Variants in GRM7 observed in about 807,000 individuals in gnomAD.
GRM7 encodes metabotropic glutamate receptor 7.
In GRM7, 35 loss-of-function variants were observed where a neutral mutation model predicts 84.5. The ratio of observed to expected loss-of-function variants is 0.41; its 90% CI spans 0.32 to 0.55. The LOEUF (loss-of-function observed/expected upper bound fraction) is 0.55. GRM7 is among the 20% of genes least tolerant of loss of function. The pLI, the probability that GRM7 is intolerant of heterozygous loss-of-function variation, is 0.19. For synonymous variants in GRM7, 487 were observed against 455.1 expected (o/e 1.07, Z -0.89); for missense variants, 1,003 against 1,194.6 (o/e 0.84, Z 2.36).
rs915157640 is a variant in GRM7 at position 7,374,711 on chromosome 3, G to A, written c.1034-40312G>A. Among the ~76,000 whole-genome samples, 6 of 148,520 alleles carry A rather than the reference G, an allele frequency of 4.0e-5. No individual in the cohort carries two copies. The South Asian group carries it at 8.6e-4, about 21-fold the overall frequency. ...TCACCATGTTGGCCAGGGTGGTCTC[G>A]AACTCCTAACCTCAGGTGATCCGCC... On this transcript the variant is annotated intron_variant, in intron 4 of 9. Transcript: ENST00000357716.
intron 9 of GRM7, among the ~76,000 whole-genome samples, chr3:7,702,775 T>C (rs1391459499): frequency 6.6e-6 from 1 of 152,200 alleles, no homozygotes; most frequent in Non-Finnish European, 1.5e-5. Flanking sequence ...AAGTCAGCTC[T>C]TGAATAATTA....
intron 3 of GRM7, among the ~76,000 whole-genome samples, chr3:7,299,554 A>G (rs908458902): frequency 2.0e-5 from 3 of 152,232 alleles, no homozygotes; most frequent in Non-Finnish European, 2.9e-5. Flanking sequence ...CGCATAGCTA[A>G]CAAGTTCTCT....
intron 7 of GRM7, among the ~76,000 whole-genome samples, chr3:7,520,468 T>G (rs1700552939): frequency 6.6e-6 from 1 of 151,848 alleles, no homozygotes; most frequent in African/African-American, 2.4e-5. Context: ...TATTCTGGAT[T>G]CTTTATGTTC....
chr3:7,099,599 CATT>C (rs1699021697), intron 1 of GRM7, among the ~76,000 whole-genome samples: 1 of 136,546 alleles, frequency 7.3e-6, no homozygotes, highest in Non-Finnish European at 1.6e-5. Context: ...TATGTACACG[CATT>C]ATACATGTGC....
chr3:7,243,155 A>G (rs183823552), intron 2 of GRM7, among the ~76,000 whole-genome samples: 35 of 152,246 alleles, frequency 2.3e-4, no homozygotes, highest in African/African-American at 7.9e-4. Context: ...GGCTCCAAAA[A>G]TTAAGATTTA....
chr3:7,194,987 T>C (rs1380304808), intron 2 of GRM7, among the ~76,000 whole-genome samples: 1 of 152,138 alleles, frequency 6.6e-6, no homozygotes, highest in East Asian at 1.9e-4. Flanking sequence ...TGGTTCCTTA[T>C]TCGCTGCTAT....
intron 4 of GRM7, among the ~76,000 whole-genome samples, chr3:7,405,909 CACTG>C (rs1268360206): frequency 6.6e-6 from 1 of 151,796 alleles, no homozygotes; most frequent in Non-Finnish European, 1.5e-5. Context: ...TTACTATTGA[CACTG>C]ACATTCATTG....
At chr3:7,634,535 C>T (rs545669077) in intron 8 of GRM7, among the ~76,000 whole-genome samples, 10 of 130,790 alleles carry the variant, frequency 7.6e-5, no homozygotes, top group South Asian at 7.0e-4. Flanking sequence ...CCTGTAACCC[C>T]AGCACTTTGG....
At chr3:7,608,382 ATC>A (rs1271374535) in intron 8 of GRM7, among the ~76,000 whole-genome samples, 1 of 152,112 alleles carries the variant, frequency 6.6e-6, no homozygotes, top group Non-Finnish European at 1.5e-5. Context: ...CCTTGCCAGC[ATC>A]TGTTATTTTT....
intron 4 of GRM7, among the ~76,000 whole-genome samples, chr3:7,347,397 T>G (rs1692940091): frequency 6.6e-6 from 1 of 152,180 alleles, no homozygotes; most frequent in South Asian, 2.1e-4. Flanking sequence ...TCCGAATGCT[T>G]TAGTTCACCT....
At chr3:7,131,927 A>T (rs871715) in intron 1 of GRM7, among the ~76,000 whole-genome samples, 1,955 of 152,194 alleles carry the variant, frequency 0.013, 41 homozygotes, top group East Asian at 0.084. Context: ...GGGACAATGG[A>T]CTCTACCCTC....
intron 1 of GRM7, among the ~76,000 whole-genome samples, chr3:6,954,668 ATTAC>A (rs1692950503): frequency 6.6e-6 from 1 of 152,218 alleles, no homozygotes; most frequent in South Asian, 2.1e-4. Flanking sequence ...GTCCAGGTCT[ATTAC>A]TTACTATCTG....
In GRM7 at chr3:7,036,446, GTCA is replaced by G. The variant is rs1374515154; in HGVS notation, c.520-110000_520-109998del. ...TTGAAAATGGAGAAAGATATGGAGG[GTCA>G]TCATCTTGAGAATCACATCTAGATA... On this transcript the variant is annotated intron_variant, in intron 1 of 9. Transcript: ENST00000357716. Among the ~76,000 whole-genome samples the G allele has an allele frequency of 8.5e-5, 13 of 152,138 alleles. No individual in the cohort carries two copies. The South Asian group carries it at 2.5e-3, about 29-fold the overall frequency.
At chr3:7,283,091 A>G (rs1699309983) in intron 2 of GRM7, among the ~76,000 whole-genome samples, 1 of 152,080 alleles carries the variant, frequency 6.6e-6, no homozygotes, top group African/African-American at 2.4e-5. Flanking sequence ...TGCTAGTGAC[A>G]TGACCTCGAT....
chr3:7,423,253 C>T (rs935719435), intron 5 of GRM7, among the ~76,000 whole-genome samples: 14 of 152,112 alleles, frequency 9.2e-5, no homozygotes, highest in Non-Finnish European at 1.9e-4. Flanking sequence ...CTTGAAATCC[C>T]GGGAGTATTC....
At chr3:7,685,799 A>G (rs1415528253) in intron 9 of GRM7, among the ~76,000 whole-genome samples, 1 of 151,774 alleles carries the variant, frequency 6.6e-6, no homozygotes, top group Non-Finnish European at 1.5e-5. Flanking sequence ...AAAAAAAAAA[A>G]AAGAAAGAAA....
At chr3:7,374,665 AT>A (rs1386333439) in intron 4 of GRM7, among the ~76,000 whole-genome samples, 4 of 82,964 alleles carry the variant, frequency 4.8e-5, no homozygotes, top group African/African-American at 1.7e-4. Context: ...TTTTTTTTGT[AT>A]TTTTAGTAGA....
At chr3:7,503,112 G>A (rs1209510173) in intron 7 of GRM7, among the ~76,000 whole-genome samples, 1 of 152,084 alleles carries the variant, frequency 6.6e-6, no homozygotes, top group Non-Finnish European at 1.5e-5. Context: ...GCTGGGCAGA[G>A]GAAAACCATA....
intron 9 of GRM7, among the ~76,000 whole-genome samples, chr3:7,713,878 G>A (rs796713135): frequency 1.9e-4 from 27 of 142,854 alleles, no homozygotes; most frequent in African/African-American, 6.5e-4. Context: ...TGCCTGGGAA[G>A]TGGAAACACA....
Sources: gnomAD v4.1 joint callset for allele counts (sites outside exome capture counted in the v4.1 genomes callset) on GRCh38, gnomAD v4.1.1 for gene constraint, MANE v1.5 for transcripts, NCBI Gene and HGNC (gene_info 2026-07-23, HGNC 2026-07-21) for gene names.